The following EARS2 variants were observed in gnomAD, a reference collection of about 807,000 sequenced individuals.
The protein encoded by EARS2 is nondiscriminating glutamyl-tRNA synthetase EARS2, mitochondrial.
EARS2 carries 50 observed loss-of-function variants against 54.1 expected under a neutral mutation model. That is an observed-to-expected ratio of 0.92 (90% CI 0.74 to 1.17). The LOEUF (loss-of-function observed/expected upper bound fraction) is 1.17. Ranked by LOEUF, EARS2 falls within the 50% of genes most tolerant of loss-of-function variation. The probability of loss-of-function intolerance (pLI) is 0.00; values close to 1 mark genes in which losing one functional copy is unlikely to be tolerated. For synonymous variants in EARS2, 298 were observed against 281.0 expected (o/e 1.06, Z -0.61); for missense variants, 673 against 675.0 (o/e 1.00, Z 0.03).
chr16:23,541,267 C>T (rs1363979981), intron 3 of EARS2, among the ~76,000 whole-genome samples: 4 of 152,092 alleles, frequency 2.6e-5, no homozygotes, highest in Admixed American at 2.6e-4. Context: ...ATGGAGATTG[C>T]AGTGAGCCAA....
upstream of EARS2, chr16:23,557,375 CT>C: frequency 6.5e-7 from 1 of 1,536,450 alleles, no homozygotes; most frequent in Non-Finnish European, 8.7e-7. Flanking sequence ...GGGCTTCTCC[CT>C]GCGTCACTTC....
chr16:23,544,919 G>A, intron 2 of EARS2: 1 of 434,038 alleles, frequency 2.3e-6, no homozygotes. Flanking sequence ...TTAGCTCACT[G>A]CAACCTCCAC....
chr16:23,530,009 C>A lies in EARS2; in HGVS notation c.1068-112G>T, dbSNP rs1965298290. 6.0e-6 allele frequency: 8 copies of A among 1,336,720 alleles called. No homozygotes were observed. In the Admixed American group the frequency reaches 1.5e-4, roughly 24 times the overall value. 82.8% of individuals were successfully genotyped at this position (1,336,720 alleles called of 1,614,324 possible). On this transcript the variant is annotated intron_variant, in intron 5 of 8. Transcript: ENST00000449606. ...AGAATGACATATCAGGTCCCATGAGCCCTCCCTTTCGCAAGCTAGAAGAAT... is the reference window on the plus strand; with the variant it reads ...AGAATGACATATCAGGTCCCATGAGACCTCCCTTTCGCAAGCTAGAAGAAT...
At chr16:23,551,847 A>T (rs890525922) in intron 2 of EARS2, among the ~76,000 whole-genome samples, 10 of 152,086 alleles carry the variant, frequency 6.6e-5, no homozygotes, top group Admixed American at 6.5e-4. Context: ...GTGAACCCGG[A>T]AGGCGGAGCT....
At chr16:23,544,740 C>A (rs1430002315) in intron 2 of EARS2, 37 bp from the exon 3 acceptor site, 24 of 1,539,932 alleles carry the variant, frequency 1.6e-5, no homozygotes, top group Non-Finnish European at 2.1e-5. Flanking sequence ...AAGGTGCACA[C>A]AGCGCTCGTT....
intron 4 of EARS2, 62 bp from the exon 5 acceptor site, chr16:23,532,827 TC>T: frequency 8.1e-7 from 1 of 1,235,834 alleles, no homozygotes; most frequent in Non-Finnish European, 1.2e-6. Flanking sequence ...CCACTTTATC[TC>T]TTTTTTTTAA....
At chr16:23,546,478 T>A in intron 2 of EARS2, 1 of 453,712 alleles carries the variant, frequency 2.2e-6, no homozygotes, top group Non-Finnish European at 4.4e-6. Context: ...ATGAGGATCA[T>A]CATGAGACTA....
intron 5 of EARS2, 81 bp from the exon 6 acceptor site, chr16:23,529,978 G>A: frequency 6.5e-7 from 1 of 1,547,874 alleles, no homozygotes. Context: ...AAAGGGTGAA[G>A]TTGGAAGAAT....
chr16:23,526,973 T>A (rs148330427), intron 7 of EARS2, among the ~76,000 whole-genome samples: 245 of 10,972 alleles, frequency 0.022, 2 homozygotes, highest in African/African-American at 0.037. Context: ...ATTAATTATT[T>A]TTTTTTTAAG....
chr16:23,551,772 T>G (rs1965698984), intron 2 of EARS2, among the ~76,000 whole-genome samples: 1 of 151,930 alleles, frequency 6.6e-6, no homozygotes, highest in African/African-American at 2.4e-5. Flanking sequence ...ACAAAAAAAC[T>G]TAGCCGGGCG....
Position 23,542,960 on chromosome 16 carries a change from C to A in EARS2, c.485+1554G>T, listed in dbSNP as rs536667259. Among the ~76,000 whole-genome samples, 5 of 148,776 alleles carry A rather than the reference C, an allele frequency of 3.4e-5. No homozygotes were observed. The South Asian group carries it at 1.1e-3, about 32-fold the overall frequency. ...CGAAACCCTCTCTCTATTAAAAACA[C>A]AAAAATTAGCCAGGTGTGGTGGCAT... is the stretch of plus-strand genomic sequence containing the variant. On this transcript the variant is annotated intron_variant, in intron 3 of 8. Coordinates refer to ENST00000449606, the MANE Select transcript of EARS2 (RefSeq NM_001083614.2).
intron 2 of EARS2, among the ~76,000 whole-genome samples, chr16:23,546,894 G>A (rs1965612240): frequency 6.6e-6 from 1 of 152,198 alleles, no homozygotes; most frequent in Non-Finnish European, 1.5e-5. Context: ...CCCTCTCATG[G>A]GACCTCCATT....
chr16:23,531,963 G>A (rs1340238959), intron 5 of EARS2, among the ~76,000 whole-genome samples: 4 of 152,110 alleles, frequency 2.6e-5, no homozygotes, highest in Non-Finnish European at 5.9e-5. Flanking sequence ...CTACAAGCAT[G>A]TGCCATGTCC....
intron 1 of EARS2, 66 bp from the exon 2 acceptor site, chr16:23,552,370 T>G (rs1965711589): frequency 6.6e-7 from 1 of 1,518,742 alleles, no homozygotes; most frequent in African/African-American, 1.4e-5. Flanking sequence ...AAGGGGCAAG[T>G]AAGCACTACT....
Position 23,522,681 on chromosome 16 carries a change from A to G in EARS2, c.*1690T>C, listed in dbSNP as rs147853472. The G allele has an allele frequency of 9.3e-4, 142 of 152,296 alleles. 1 individual carries two copies. The highest frequency in any genetic ancestry group is 3.2e-3 in the African/African-American group (134 of 41,560). The allele number at this position is 152,296 out of a possible 1,614,324, so 9.4% of individuals were successfully genotyped here. On this transcript the variant is annotated 3_prime_UTR_variant, in exon 9 of 9. Coordinates refer to ENST00000449606, the MANE Select transcript of EARS2 (RefSeq NM_001083614.2). ...TTCCACTCCCCTGGACAAAATAAAT[A>G]TATTGTCTACTGCTGAAACGCAAAT...
chr16:23,535,165 T>G lies in EARS2; in HGVS notation c.681A>C (p.Thr227=). 6.2e-7 allele frequency: 1 copy of G among 1,613,602 alleles called. No homozygotes were observed. The highest frequency in any genetic ancestry group is 2.2e-5 in the East Asian group (1 of 44,876). The part of the protein sequence containing the change: ...PVIMKSDGFP[T]YHLACVVDDH... ...CGTCCACCACGCAGGCCAGGTGGTA[T>G]GTGGGGAAGCCGTCGCTCTTCATGA... The change falls in exon 4 of 9, where the codon ACA becomes ACC. Residue 227 remains threonine (T), a synonymous_variant. Coordinates refer to ENST00000449606, the MANE Select transcript of EARS2 (RefSeq NM_001083614.2).
At chr16:23,551,208 T>A (rs1360224777) in intron 2 of EARS2, among the ~76,000 whole-genome samples, 2 of 152,202 alleles carry the variant, frequency 1.3e-5, no homozygotes, top group African/African-American at 2.4e-5. Context: ...CAACTCTGGA[T>A]GAGGTGTGGT....
At position 23,547,662 on chromosome 16, in the gene EARS2, G is replaced by A. The variant is rs1023215517; in HGVS notation, c.296-2959C>T. Among the ~76,000 whole-genome samples, 7 of 152,086 alleles carry A rather than the reference G, an allele frequency of 4.6e-5. No individual in the cohort carries two copies. The East Asian group carries it at 9.7e-4, about 21-fold the overall frequency. On this transcript the variant is annotated intron_variant, in intron 2 of 8. Coordinates refer to ENST00000449606, the MANE Select transcript of EARS2 (RefSeq NM_001083614.2). ...TGGGATTACAAGCATGTGCCACCAC[G>A]CCCAACTAATTTTTGTATTTTTATT...
intron 3 of EARS2, among the ~76,000 whole-genome samples, chr16:23,539,671 T>C (rs1185725589): frequency 2.0e-5 from 3 of 151,034 alleles, no homozygotes; most frequent in Non-Finnish European, 4.4e-5. Flanking sequence ...AATAAATAAA[T>C]GGCTGCAAGG....
Sources: allele counts gnomAD v4.1 joint callset (sites outside exome capture counted in the v4.1 genomes callset), GRCh38; gene constraint gnomAD v4.1.1; transcripts MANE v1.5; gene names NCBI Gene and HGNC (gene_info 2026-07-23, HGNC 2026-07-21).